The following SPAST variants were observed in gnomAD, a reference collection of about 807,000 sequenced individuals.
The protein encoded by SPAST is spastic paraplegia 4 (autosomal dominant; spastin).
Under a neutral mutation model 76.6 loss-of-function variants are expected in SPAST, and 30 were observed. The ratio of observed to expected loss-of-function variants is 0.39; its 90% CI spans 0.29 to 0.53. SPAST has a LOEUF of 0.53. Among genes scored for constraint, SPAST ranks in the 20% least tolerant of loss-of-function variants. The pLI is 0.68. For missense variants in SPAST, 717 were observed against 770.5 expected, an observed-to-expected ratio of 0.93 and a Z score of 0.82; for synonymous variants, 305 against 281.0, an observed-to-expected ratio of 1.09 and a Z score of -0.86.
chr2:32,109,372 G>A (rs986851399), intron 4 of SPAST, among the ~76,000 whole-genome samples: 16 of 152,128 alleles, frequency 1.1e-4, no homozygotes, highest in African/African-American at 1.4e-4. Flanking sequence ...GCCTCTCAAA[G>A]TGCTGGGATT....
chr2:32,150,535 T>C (rs1680048097), intron 16 of SPAST, among the ~76,000 whole-genome samples: 1 of 151,846 alleles, frequency 6.6e-6, no homozygotes. Flanking sequence ...GCTCCTGGGC[T>C]CAGGCAATCC....
intron 4 of SPAST, among the ~76,000 whole-genome samples, chr2:32,099,120 T>C: frequency 6.6e-6 from 1 of 152,232 alleles, no homozygotes; most frequent in South Asian, 2.1e-4. Context: ...AACCTCTGGT[T>C]TTTCAGATTA....
intron 4 of SPAST, among the ~76,000 whole-genome samples, chr2:32,106,190 G>C (rs542847428): frequency 1.3e-5 from 2 of 152,164 alleles, no homozygotes; most frequent in East Asian, 3.9e-4. Context: ...CCTCTTTGCC[G>C]CCTTGCAGTT....
rs570647628 is a variant in SPAST, at chr2:32,140,706, C to G, written c.1494-1198C>G. On this transcript the variant is annotated intron_variant, in intron 12 of 16. Coordinates refer to ENST00000315285, the MANE Select transcript of SPAST (RefSeq NM_014946.4). Reference sequence around the variant, plus strand: ...TTTGGGAGGCCAGATCACTTGAGGCCGGGAATTCCAGACCAGCCTCGCCAA... The same window carrying G: ...TTTGGGAGGCCAGATCACTTGAGGCGGGGAATTCCAGACCAGCCTCGCCAA... Among the ~76,000 whole-genome samples the G allele has an allele frequency of 2.6e-5, 4 of 151,738 alleles. No individual in the cohort carries two copies. The South Asian group carries it at 8.3e-4, about 32-fold the overall frequency.
At chr2:32,138,144 T>C (rs1426255257) in intron 12 of SPAST, among the ~76,000 whole-genome samples, 1 of 152,186 alleles carries the variant, frequency 6.6e-6, no homozygotes. Context: ...GTCTTTTTGG[T>C]ATAATGATCT....
At chr2:32,120,299 C>G (rs1005618652) in intron 7 of SPAST, among the ~76,000 whole-genome samples, 3 of 152,062 alleles carry the variant, frequency 2.0e-5, no homozygotes, top group Non-Finnish European at 4.4e-5. Context: ...TAAATGAACC[C>G]TTAGCTCCAT....
intron 1 of SPAST, among the ~76,000 whole-genome samples, chr2:32,065,355 TGCTATTA>T (rs1397686076): frequency 9.2e-5 from 14 of 152,278 alleles, no homozygotes; most frequent in African/African-American, 3.4e-4. Flanking sequence ...CCAGGCATTG[TGCTATTA>T]GCTTTGCATG....
intron 4 of SPAST, among the ~76,000 whole-genome samples, chr2:32,113,697 C>T (rs1678709619): frequency 6.6e-6 from 1 of 150,590 alleles, no homozygotes; most frequent in Non-Finnish European, 1.5e-5. Flanking sequence ...TCCGAAGTAG[C>T]TGGGATTATA....
chr2:32,082,005 CTTTTTTT>C (rs35493322), intron 1 of SPAST, among the ~76,000 whole-genome samples: 3 of 71,214 alleles, frequency 4.2e-5, no homozygotes, highest in Non-Finnish European at 5.2e-5. Context: ...AGTTCTCTCT[CTTTTTTT>C]TTTTTTTTTT....
At chr2:32,145,115 A>G (rs1679845570) in intron 15 of SPAST, 108 bp downstream of exon 15, 6 of 768,068 alleles carry the variant, frequency 7.8e-6, no homozygotes, top group African/African-American at 1.8e-5. Flanking sequence ...TTTTGGAGAC[A>G]GGGTCTCACT....
chr2:32,065,016 A>C (rs1290918574), intron 1 of SPAST, among the ~76,000 whole-genome samples: 1 of 151,984 alleles, frequency 6.6e-6, no homozygotes, highest in Non-Finnish European at 1.5e-5. Context: ...GGTTTCTTTT[A>C]AGCTAACTTT....
chr2:32,152,137 C>A (rs1680106314), intron 16 of SPAST, among the ~76,000 whole-genome samples: 1 of 152,148 alleles, frequency 6.6e-6, no homozygotes, highest in African/African-American at 2.4e-5. Flanking sequence ...TATTTCCCCC[C>A]TTAACTGAAC....
intron 12 of SPAST, among the ~76,000 whole-genome samples, chr2:32,139,412 T>C (rs926965661): frequency 6.6e-6 from 1 of 152,164 alleles, no homozygotes; most frequent in African/African-American, 2.4e-5. Flanking sequence ...ATAAATGATT[T>C]TACCCCAAGA....
chr2:32,064,378 G>A lies in SPAST; in HGVS notation c.415+132G>A, dbSNP rs894076828. ...CCCCCGGAATTGATATGCCCCGGGA[G>A]ACTGCTTTCCCGTAGGTCGGAGCCT... On this transcript the variant is annotated intron_variant, in intron 1 of 16. Coordinates refer to ENST00000315285, the MANE Select transcript of SPAST (RefSeq NM_014946.4). 9.7e-6 allele frequency: 8 copies of A among 821,656 alleles called. No homozygotes were observed. In the African/African-American group the frequency reaches 1.4e-4, roughly 14 times the overall value. 50.9% of individuals were successfully genotyped at this position (821,656 alleles called of 1,614,324 possible).
At chr2:32,108,913 G>A (rs1239030824) in intron 4 of SPAST, among the ~76,000 whole-genome samples, 4 of 150,676 alleles carry the variant, frequency 2.7e-5, no homozygotes, top group African/African-American at 4.9e-5. Context: ...CTACAGATGC[G>A]TGCCACCATA....
chr2:32,076,687 A>AT (rs1018315941), intron 1 of SPAST, among the ~76,000 whole-genome samples: 49 of 147,878 alleles, frequency 3.3e-4, no homozygotes, highest in South Asian at 6.5e-4. Flanking sequence ...CTACCAGGAG[A>AT]TTTTTTTTTT....
chr2:32,075,547 CTT>C (rs773998404), intron 1 of SPAST, among the ~76,000 whole-genome samples: 1 of 85,516 alleles, frequency 1.2e-5, no homozygotes. Flanking sequence ...TGGCTTTTTT[CTT>C]TTTTTTTTTT....
intron 15 of SPAST, 112 bp from the exon 16 acceptor site, chr2:32,147,106 A>T: frequency 1.4e-6 from 1 of 700,586 alleles, no homozygotes; most frequent in Non-Finnish European, 2.6e-6. Context: ...TTTTTAATAT[A>T]ATGATTTGTA....
intron 9 of SPAST, among the ~76,000 whole-genome samples, chr2:32,132,715 A>G (rs1400044212): frequency 1.3e-5 from 2 of 151,930 alleles, no homozygotes; most frequent in Non-Finnish European, 2.9e-5. Context: ...AAGACTTAAA[A>G]AGGAAGCATT....
Sources: allele counts gnomAD v4.1 joint callset (sites outside exome capture counted in the v4.1 genomes callset), GRCh38; gene constraint gnomAD v4.1.1; transcripts MANE v1.5; gene names NCBI Gene and HGNC (gene_info 2026-07-23, HGNC 2026-07-21).